TPRG1: variants seen among roughly 807,000 people sequenced by gnomAD.
TPRG1 encodes the protein tumor protein p63-regulated gene 1 protein.
TPRG1 carries 29 observed loss-of-function variants against 29.3 expected under a neutral mutation model. The ratio of observed to expected loss-of-function variants is 0.99; its 90% CI spans 0.74 to 1.35. The LOEUF (loss-of-function observed/expected upper bound fraction) is 1.35, where lower values mean the gene tolerates loss of function less well. Among genes scored for constraint, TPRG1 ranks in the 40% most tolerant of loss-of-function variants. The pLI is 0.00. For synonymous variants in TPRG1, 130 were observed against 116.8 expected (o/e 1.11, Z -0.73); for missense variants, 327 against 335.0 (o/e 0.98, Z 0.19).
At chr3:189,314,591 T>C (rs546549544) in intron 5 of TPRG1, among the ~76,000 whole-genome samples, 9 of 152,190 alleles carry the variant, frequency 5.9e-5, no homozygotes, top group Non-Finnish European at 1.0e-4. Flanking sequence ...CACCAAACTT[T>C]TCCAATCTGT....
intron 3 of TPRG1, among the ~76,000 whole-genome samples, chr3:189,014,135 C>T (rs907789769): frequency 1.3e-5 from 2 of 152,128 alleles, no homozygotes; most frequent in African/African-American, 2.4e-5. Context: ...TTTGTAATGG[C>T]TGCTAATAGT....
rs904411333 is a variant in TPRG1 at position 189,322,063 on chromosome 3, A to C, written c.*1243A>C. 6.2e-5 allele frequency: 7 copies of C among 112,608 alleles called. No homozygotes were observed. Among genetic ancestry groups the C allele is most frequent in the Admixed American group, 9.8e-5 (1 of 10,162 alleles). The allele number at this position is 112,608 out of a possible 1,614,324, so 7.0% of individuals were successfully genotyped here. A position where few individuals can be genotyped will look rare whatever the true frequency, so the allele number is the denominator to read the frequency against. On this transcript the variant is annotated 3_prime_UTR_variant, in exon 6 of 6. Transcript: ENST00000345063. ...AAGTTTCTTTTCTTTTTTCTTTCAG[A>C]GTCTTATTTTATCTAAATTTATGTA...
In TPRG1 at chr3:189,083,581, A is replaced by G. The variant is rs960829217; in HGVS notation, c.-462-43476A>G. On this transcript the variant is annotated intron_variant, in intron 4 of 10. Coordinates refer to the TPRG1 transcript ENST00000433971. The stretch of plus-strand genomic sequence containing the variant: ...CTTCCCTCTCTAGATCTGTTTTCCT[A>G]TCTGGAAAATGAGGATTTGGGATTG... Among the ~76,000 whole-genome samples, 11 of 152,200 alleles carry G rather than the reference A, an allele frequency of 7.2e-5. No individual in the cohort carries two copies. In the East Asian group the frequency reaches 2.1e-3, roughly 29 times the overall value.
At position 189,252,301 on chromosome 3, in the gene TPRG1, A is replaced by G. The variant is rs149220936; in HGVS notation, c.479+13392A>G. ...CCTATGTCTACTTCTTTCTACACAG[A>G]CACAGTAGCAATCTGATCTCTCTTT... On this transcript the variant is annotated intron_variant, in intron 4 of 5. Coordinates refer to ENST00000345063, the MANE Select transcript of TPRG1 (RefSeq NM_198485.4). Among the ~76,000 whole-genome samples, 620 of 152,222 alleles carry G rather than the reference A, an allele frequency of 4.1e-3. 3 individuals are homozygous for G. The highest frequency in any genetic ancestry group is 0.01 in the East Asian group (52 of 5,180).
chr3:189,135,520 C>T (rs1219852860), intron 3 of TPRG1, among the ~76,000 whole-genome samples: 1 of 152,192 alleles, frequency 6.6e-6, no homozygotes, highest in Non-Finnish European at 1.5e-5. Flanking sequence ...AACTTATGCT[C>T]CCCCTGAAAT....
chr3:189,194,756 C>T (rs1019995577), intron 1 of TPRG1, among the ~76,000 whole-genome samples: 3 of 152,262 alleles, frequency 2.0e-5, no homozygotes, highest in Admixed American at 6.5e-5. Flanking sequence ...GTAGTAGTAG[C>T]TATAGACCCT....
intron 5 of TPRG1, among the ~76,000 whole-genome samples, chr3:189,160,110 G>T (rs1228805106): frequency 6.6e-6 from 1 of 152,184 alleles, no homozygotes; most frequent in Non-Finnish European, 1.5e-5. Context: ...AGCCTGAGCT[G>T]AGATGGGCTG....
intron 4 of TPRG1, among the ~76,000 whole-genome samples, chr3:189,258,238 G>T (rs774401068): frequency 2.0e-5 from 3 of 151,314 alleles, no homozygotes; most frequent in Non-Finnish European, 4.4e-5. Flanking sequence ...CTGTTTGTTA[G>T]TTTTCCTTCT....
chr3:189,079,746 A>G (rs997200175), intron 4 of TPRG1, among the ~76,000 whole-genome samples: 1 of 152,196 alleles, frequency 6.6e-6, no homozygotes, highest in Non-Finnish European at 1.5e-5. Context: ...AAATCATTCA[A>G]TCTTTATTGG....
rs184079624 is a variant in TPRG1 at position 189,186,499 on chromosome 3, G to A, written c.-10+14368G>A. Among the ~76,000 whole-genome samples, 8 of 152,182 alleles carry A rather than the reference G, an allele frequency of 5.3e-5. No individual in the cohort carries two copies. The East Asian group carries it at 9.7e-4, about 18-fold the overall frequency. On this transcript the variant is annotated intron_variant, in intron 1 of 5. Coordinates refer to ENST00000345063, the MANE Select transcript of TPRG1 (RefSeq NM_198485.4). ...TCCTACCCTTGGTGCTCTTAAAGAC[G>A]CAATTTTCTGCAAACATTTAACCAT...
At chr3:189,104,652 G>T (rs1030986752) in intron 1 of TPRG1, among the ~76,000 whole-genome samples, 1 of 151,404 alleles carries the variant, frequency 6.6e-6, no homozygotes, top group Non-Finnish European at 1.5e-5. Flanking sequence ...AAGAACCCTC[G>T]GTCTACTAGA....
At chr3:189,151,403 A>ACAAATTTGACCCTAAATAT (rs1725915964) in intron 5 of TPRG1, among the ~76,000 whole-genome samples, 1 of 152,164 alleles carries the variant, frequency 6.6e-6, no homozygotes, top group Non-Finnish European at 1.5e-5. Context: ...TTTTGGAGAC[A>ACAAATTTGACCCTAAATAT]CAAATTTGAC....
At chr3:189,021,713 G>A (rs1416481206) in intron 3 of TPRG1, among the ~76,000 whole-genome samples, 1 of 152,132 alleles carries the variant, frequency 6.6e-6, no homozygotes, top group East Asian at 1.9e-4. Flanking sequence ...ATGTGTCTTG[G>A]AGTTGCTCTT....
chr3:189,206,500 CT>C (rs11336790), intron 1 of TPRG1, among the ~76,000 whole-genome samples: 42,239 of 130,872 alleles, frequency 0.32, 5,941 homozygotes, highest in South Asian at 0.49. Context: ...GATGAACAAA[CT>C]TTTTTTTTTT....
chr3:189,238,582 GGGTAGT>G (rs1312625112), intron 3 of TPRG1, 145 bp from the exon 4 acceptor site: 4 of 543,210 alleles, frequency 7.4e-6, no homozygotes, highest in Non-Finnish European at 9.6e-6. Flanking sequence ...AGACTGAGTG[GGGTAGT>G]GGTGTGGTAT....
At chr3:189,222,923 G>T (rs7629347) in intron 3 of TPRG1, among the ~76,000 whole-genome samples, 1 of 151,870 alleles carries the variant, frequency 6.6e-6, no homozygotes, top group Non-Finnish European at 1.5e-5. Context: ...CTGCTAACCC[G>T]GCCTTCTCCT....
At chr3:189,137,671 A>T (rs1723944589) in intron 3 of TPRG1, among the ~76,000 whole-genome samples, 1 of 152,082 alleles carries the variant, frequency 6.6e-6, no homozygotes, top group Admixed American at 6.6e-5. Context: ...GAATGCAGTG[A>T]GCGGGAGAGA....
intron 5 of TPRG1, chr3:189,315,761 A>G (rs1239297946): frequency 9.0e-6 from 2 of 221,282 alleles, no homozygotes; most frequent in Admixed American, 5.6e-5. Flanking sequence ...AGTGACCATT[A>G]CATGATGAGC....
At chr3:189,166,894 G>A (rs867113649) in intron 5 of TPRG1, among the ~76,000 whole-genome samples, 2 of 152,092 alleles carry the variant, frequency 1.3e-5, no homozygotes, top group African/African-American at 2.4e-5. Context: ...CGAGTCTGCC[G>A]GTGACTGAAC....
Sources: gnomAD v4.1 joint callset for allele counts (sites outside exome capture counted in the v4.1 genomes callset) on GRCh38, gnomAD v4.1.1 for gene constraint, MANE v1.5 for transcripts, NCBI Gene and HGNC (gene_info 2026-07-23, HGNC 2026-07-21) for gene names.